The following IMMP2L variants were observed in gnomAD, a reference collection of about 807,000 sequenced individuals.
IMMP2L encodes mitochondrial inner membrane protease subunit 2.
A neutral mutation model predicts 19.3 loss-of-function variants in IMMP2L; 18 were observed. That is an observed-to-expected ratio of 0.93 (90% confidence interval 0.64 to 1.38). The LOEUF is 1.38. IMMP2L is among the 40% of genes most tolerant of loss of function. The pLI is 0.00. For missense variants in IMMP2L, 233 were observed against 218.2 expected (o/e 1.07, Z -0.43); for synonymous variants, 76 against 73.0 (o/e 1.04, Z -0.21).
chr7:111,474,941 T>C (rs1841592836), intron 3 of IMMP2L, among the ~76,000 whole-genome samples: 1 of 152,142 alleles, frequency 6.6e-6, no homozygotes, highest in Non-Finnish European at 1.5e-5. Context: ...TTTCCTACTG[T>C]ACTGTCATAA....
At chr7:111,299,669 AAC>A (rs1322197540) in intron 3 of IMMP2L, among the ~76,000 whole-genome samples, 1 of 152,132 alleles carries the variant, frequency 6.6e-6, no homozygotes, top group South Asian at 2.1e-4. Context: ...TTAATGAGAT[AAC>A]AGTTTACTGT....
chr7:110,782,533 T>C (rs1055760556), intron 5 of IMMP2L, among the ~76,000 whole-genome samples: 2 of 151,872 alleles, frequency 1.3e-5, no homozygotes, highest in African/African-American at 2.4e-5. Context: ...AGACTTTTTT[T>C]GTAACTGTTT....
At chr7:111,001,297 A>G (rs1467125730) in intron 3 of IMMP2L, among the ~76,000 whole-genome samples, 1 of 152,198 alleles carries the variant, frequency 6.6e-6, no homozygotes, top group Non-Finnish European at 1.5e-5. Flanking sequence ...CTTTAAGACA[A>G]TCTTCTATGA....
At chr7:111,199,083 G>A (rs749942400) in intron 3 of IMMP2L, among the ~76,000 whole-genome samples, 10 of 151,824 alleles carry the variant, frequency 6.6e-5, no homozygotes, top group Non-Finnish European at 1.2e-4. Context: ...TATAATTTGT[G>A]TCCATTTTTT....
chr7:111,398,437 A>T (rs1332611406), intron 3 of IMMP2L, among the ~76,000 whole-genome samples: 1 of 152,158 alleles, frequency 6.6e-6, no homozygotes. Flanking sequence ...TTTATGATTA[A>T]AACTTTCAGC....
At chr7:111,114,545 G>C (rs1300418184) in intron 3 of IMMP2L, among the ~76,000 whole-genome samples, 1 of 151,938 alleles carries the variant, frequency 6.6e-6, no homozygotes, top group Admixed American at 6.6e-5. Context: ...AGACCAGCCT[G>C]GCCAACATGG....
intron 3 of IMMP2L, among the ~76,000 whole-genome samples, chr7:111,445,409 C>G (rs1312345718): frequency 6.6e-6 from 1 of 151,692 alleles, no homozygotes; most frequent in Non-Finnish European, 1.5e-5. Flanking sequence ...AAAATAGACA[C>G]AAACATACAT....
intron 3 of IMMP2L, among the ~76,000 whole-genome samples, chr7:111,240,859 T>A (rs778093320): frequency 6.6e-6 from 1 of 151,964 alleles, no homozygotes; most frequent in African/African-American, 2.4e-5. Flanking sequence ...TCACACTTAA[T>A]GTGATTTTTT....
chr7:110,804,545 A>C (rs1801488809), intron 5 of IMMP2L, among the ~76,000 whole-genome samples: 1 of 152,022 alleles, frequency 6.6e-6, no homozygotes. Context: ...CTGTCCCCTC[A>C]ATGCATTCTC....
chr7:111,519,334 C>G lies in IMMP2L; in HGVS notation c.135+1979G>C, dbSNP rs140785883. Among the ~76,000 whole-genome samples the G allele has an allele frequency of 1.5e-3, 222 of 152,218 alleles. 1 individual carries two copies. Among genetic ancestry groups the G allele is most frequent in the African/African-American group, 5.0e-3 (207 of 41,560 alleles). The stretch of plus-strand genomic sequence containing the variant: ...TGACAACTGTCTCACTCGTGCCTTC[C>G]TTGTGTGTATATAATAAGCCTTCCA... On this transcript the variant is annotated intron_variant, in intron 2 of 5. Transcript: ENST00000405709.
At chr7:111,177,912 C>A (rs1482370962) in intron 3 of IMMP2L, among the ~76,000 whole-genome samples, 1 of 151,956 alleles carries the variant, frequency 6.6e-6, no homozygotes, top group Non-Finnish European at 1.5e-5. Context: ...TCCCTGTGTG[C>A]CTTTTCCTGG....
chr7:111,337,239 C>T (rs562343148), intron 3 of IMMP2L, among the ~76,000 whole-genome samples: 9 of 151,832 alleles, frequency 5.9e-5, no homozygotes, highest in Non-Finnish European at 1.0e-4. Context: ...AAGTAATACA[C>T]TAAATAGTTT....
intron 3 of IMMP2L, among the ~76,000 whole-genome samples, chr7:110,971,085 G>C (rs529831248): frequency 1.3e-5 from 2 of 152,088 alleles, no homozygotes; most frequent in Non-Finnish European, 2.9e-5. Flanking sequence ...ATGAATACTA[G>C]TATACAAGAA....
At chr7:110,991,252 A>G (rs1480140802) in intron 3 of IMMP2L, among the ~76,000 whole-genome samples, 1 of 152,116 alleles carries the variant, frequency 6.6e-6, no homozygotes, top group Non-Finnish European at 1.5e-5. Context: ...GGCTCCCACC[A>G]TGTTAAAAAA....
At chr7:111,509,995 T>C (rs1378891175) in intron 2 of IMMP2L, among the ~76,000 whole-genome samples, 1 of 152,162 alleles carries the variant, frequency 6.6e-6, no homozygotes, top group Non-Finnish European at 1.5e-5. Context: ...AGTAGAGTTA[T>C]TATTAACCCA....
At chr7:111,391,519 C>A (rs1832350017) in intron 3 of IMMP2L, among the ~76,000 whole-genome samples, 1 of 152,106 alleles carries the variant, frequency 6.6e-6, no homozygotes, top group Non-Finnish European at 1.5e-5. Context: ...ATCACTAAAA[C>A]TATGAACAAA....
intron 1 of IMMP2L, among the ~76,000 whole-genome samples, chr7:111,526,345 T>G (rs1420264066): frequency 1.3e-5 from 2 of 152,206 alleles, no homozygotes; most frequent in African/African-American, 4.8e-5. Context: ...ACCACTCATA[T>G]GTTACTTGTG....
intron 3 of IMMP2L, among the ~76,000 whole-genome samples, chr7:111,461,393 TAC>T (rs1840123944): frequency 6.6e-6 from 1 of 151,826 alleles, no homozygotes; most frequent in South Asian, 2.1e-4. Context: ...CATCCTGAAA[TAC>T]ACACACACAT....
intron 5 of IMMP2L, among the ~76,000 whole-genome samples, chr7:110,743,221 A>C (rs1797107996): frequency 6.6e-6 from 1 of 152,132 alleles, no homozygotes; most frequent in Non-Finnish European, 1.5e-5. Context: ...TCTAGGTCTG[A>C]GAAAAGGTAG....
Sources: allele counts gnomAD v4.1 joint callset (sites outside exome capture counted in the v4.1 genomes callset), GRCh38; gene constraint gnomAD v4.1.1; transcripts MANE v1.5; gene names NCBI Gene and HGNC (gene_info 2026-07-23, HGNC 2026-07-21).